MYBPC1: variants seen among roughly 807,000 people sequenced by gnomAD.
MYBPC1 encodes the protein myosin binding protein C1.
Under a neutral mutation model 147.1 loss-of-function variants are expected in MYBPC1, and 52 were observed. The ratio of observed to expected loss-of-function variants is 0.35; its 90% CI spans 0.28 to 0.45. The LOEUF is 0.45. Ranked by LOEUF, MYBPC1 falls within the 20% of genes least tolerant of loss-of-function variation. The probability of loss-of-function intolerance (pLI) is 1.00; values close to 1 mark genes in which losing one functional copy is unlikely to be tolerated. For synonymous variants in MYBPC1, 477 were observed against 475.9 expected (o/e 1.00, Z -0.03); for missense variants, 1,228 against 1,440.3 (o/e 0.85, Z 2.39).
At chr12:101,605,375 T>G (rs1239865117) in intron 1 of MYBPC1, among the ~76,000 whole-genome samples, 1 of 152,208 alleles carries the variant, frequency 6.6e-6, no homozygotes, top group Non-Finnish European at 1.5e-5. Context: ...AAAATCTTTT[T>G]CCAAAGAGAT....
chr12:101,631,742 C>T, intron 7 of MYBPC1, 23 bp downstream of exon 7: 2 of 1,613,812 alleles, frequency 1.2e-6, no homozygotes, highest in Admixed American at 3.3e-5. Context: ...ACTCCCAGGA[C>T]AGGCGCTCAG....
chr12:101,669,043 C>G (rs770749253), intron 23 of MYBPC1, among the ~76,000 whole-genome samples: 1 of 152,062 alleles, frequency 6.6e-6, no homozygotes, highest in Non-Finnish European at 1.5e-5. Flanking sequence ...GCCAAGATCA[C>G]GCCACTGCAC....
chr12:101,652,532 CTCTCTCTCTCTCTT>C (rs1894699976), intron 16 of MYBPC1, 132 bp from the exon 17 acceptor site: 3 of 655,446 alleles, frequency 4.6e-6, no homozygotes, highest in Non-Finnish European at 8.3e-6. Flanking sequence ...CATCCTCTCT[CTCTCTCTCTCTCTT>C]TCTCTCTCTC....
chr12:101,683,215 A>T (rs983274579), intron 30 of MYBPC1, among the ~76,000 whole-genome samples: 1 of 152,126 alleles, frequency 6.6e-6, no homozygotes, highest in African/African-American at 2.4e-5. Flanking sequence ...GGATCGCTTG[A>T]TCCCAGGAGT....
intron 1 of MYBPC1, among the ~76,000 whole-genome samples, chr12:101,595,790 A>C (rs1877001697): frequency 6.6e-6 from 1 of 152,158 alleles, no homozygotes; most frequent in African/African-American, 2.4e-5. Flanking sequence ...CTGAAAGTAT[A>C]AAAATATTCT....
Position 101,632,136 on chromosome 12 carries a change from A to G in MYBPC1, c.554A>G (p.His185Arg). The G allele has an allele frequency of 6.3e-7, 1 of 1,599,252 alleles. No individual in the cohort carries two copies. The highest frequency in any genetic ancestry group is 8.6e-7 in the Non-Finnish European group (1 of 1,166,424). Reference sequence around the variant, plus strand: ...AGCTGTTCATTTGATCTTGAAGTGCACGGTAAGAGAGCCTTCTTGCCTAGA... The same window carrying G: ...AGCTGTTCATTTGATCTTGAAGTGCGCGGTAAGAGAGCCTTCTTGCCTAGA... Reference protein sequence around the residue: ...FDSCSFDLEVHESTGTTPNID... With the variant: ...FDSCSFDLEVRESTGTTPNID... Residue 185 changes from histidine to arginine, a missense_variant and splice_region_variant, in exon 8 of 32, where the codon CAC becomes CGC. Physicochemically the swap from His to Arg is conservative, Grantham distance 29. This residue lies in a region of MYBPC1 where 1,077 missense variants were observed against 1,314.2 expected (regional missense o/e 0.82). Transcript: ENST00000361466.
rs1951312667 is a variant in MYBPC1 at position 101,685,690 on chromosome 12, C to A, written c.*128C>A. ...AATCCTGAGGAATACTGAGGGAGGG[C>A]CTGGCTACTGTCTCTCTGCACTCTG... is the stretch of plus-strand genomic sequence containing the variant. On this transcript the variant is annotated 3_prime_UTR_variant, in exon 32 of 32. Transcript: ENST00000361466. 3.3e-6 allele frequency: 5 copies of A among 1,492,612 alleles called. No homozygotes were observed. The highest frequency in any genetic ancestry group is 2.0e-5 in the Admixed American group (1 of 50,828). The allele number at this position is 1,492,612 out of a possible 1,614,324, so 92.5% of individuals were successfully genotyped here.
At chr12:101,607,858 G>GT (rs1882833990) in intron 1 of MYBPC1, among the ~76,000 whole-genome samples, 1 of 152,140 alleles carries the variant, frequency 6.6e-6, no homozygotes, top group Admixed American at 6.5e-5. Context: ...ATTTTAAGAC[G>GT]TAAGATTTCT....
chr12:101,657,403 A>G (rs1895722281), intron 18 of MYBPC1, among the ~76,000 whole-genome samples: 1 of 152,198 alleles, frequency 6.6e-6, no homozygotes, highest in Admixed American at 6.5e-5. Flanking sequence ...TAATAGAGAA[A>G]TTAACAAAAG....
chr12:101,630,744 A>G (rs1429663078), intron 6 of MYBPC1, among the ~76,000 whole-genome samples: 1 of 152,218 alleles, frequency 6.6e-6, no homozygotes, highest in Non-Finnish European at 1.5e-5. Flanking sequence ...AGAAAAAAAT[A>G]AACAAATAAT....
At chr12:101,637,526 A>G (rs117559321) in intron 10 of MYBPC1, among the ~76,000 whole-genome samples, 175 of 152,240 alleles carry the variant, frequency 1.1e-3, no homozygotes, top group Non-Finnish European at 2.1e-3. Context: ...CAACAAAAAG[A>G]AACACTTTTT....
In MYBPC1 at chr12:101,678,290, T is replaced by C. The variant is rs938210490; in HGVS notation, c.3246+52T>C. The C allele has an allele frequency of 3.1e-6, 5 of 1,602,960 alleles. No homozygotes were observed. In the African/African-American group the frequency reaches 4.0e-5, roughly 13 times the overall value. Reference sequence around the variant, plus strand: ...TAAAGTCCCTGTCTTGTATTTGTTGTGTTATAATGTAAGTAACAATGTAAA... The same window carrying C: ...TAAAGTCCCTGTCTTGTATTTGTTGCGTTATAATGTAAGTAACAATGTAAA... On this transcript the variant is annotated intron_variant, in intron 28 of 31. Transcript: ENST00000361466.
At chr12:101,616,039 T>C (rs977992716) in intron 2 of MYBPC1, among the ~76,000 whole-genome samples, 1 of 152,156 alleles carries the variant, frequency 6.6e-6, no homozygotes, top group Non-Finnish European at 1.5e-5. Context: ...TTGAGAAATC[T>C]AGCTGCTCAC....
intron 19 of MYBPC1, chr12:101,660,416 G>T (rs1400713162): frequency 6.0e-6 from 1 of 167,986 alleles, no homozygotes; most frequent in Admixed American, 5.5e-5. Context: ...TCACTTTGTA[G>T]TTAAAAACAA....
chr12:101,609,537 C>T (rs1017629195), intron 1 of MYBPC1, among the ~76,000 whole-genome samples: 1 of 152,088 alleles, frequency 6.6e-6, no homozygotes, highest in African/African-American at 2.4e-5. Context: ...CCCACCTTGA[C>T]CTCCCGAGCC....
chr12:101,624,466 A>T (rs1888096276), intron 3 of MYBPC1, among the ~76,000 whole-genome samples: 1 of 152,064 alleles, frequency 6.6e-6, no homozygotes, highest in East Asian at 1.9e-4. Context: ...TACATTTTGA[A>T]ATCCACAGTT....
chr12:101,624,683 A>ATTTTTTTTTTTTTTTTTT (rs57175970), intron 3 of MYBPC1, among the ~76,000 whole-genome samples: 4 of 99,104 alleles, frequency 4.0e-5, no homozygotes, highest in African/African-American at 1.2e-4. Flanking sequence ...CGGCTAATTA[A>ATTTTTTTTTTTTTTTTTT]TTTTTTTTTT....
At chr12:101,617,530 G>A (rs192409873) in intron 3 of MYBPC1, among the ~76,000 whole-genome samples, 333 of 152,272 alleles carry the variant, frequency 2.2e-3, no homozygotes, top group African/African-American at 7.5e-3. Flanking sequence ...TGCATGCTAA[G>A]AAAGAGAGGT....
chr12:101,628,123 A>C, intron 5 of MYBPC1: 1 of 342,902 alleles, frequency 2.9e-6, no homozygotes, highest in Non-Finnish European at 5.7e-6. Context: ...ATTTTTATAG[A>C]ACTTTACATA....
Sources: allele counts gnomAD v4.1 joint callset (sites outside exome capture counted in the v4.1 genomes callset), GRCh38; gene constraint gnomAD v4.1.1; regional missense constraint gnomAD v4.1.1; transcripts MANE v1.5; gene names NCBI Gene and HGNC (gene_info 2026-07-23, HGNC 2026-07-21).